PEX5L: variants seen among roughly 807,000 people sequenced by gnomAD.
PEX5L encodes PEX5-related protein.
Under a neutral mutation model 84.0 loss-of-function variants are expected in PEX5L, and 30 were observed. That is an observed-to-expected ratio of 0.36 (90% confidence interval 0.27 to 0.48). The LOEUF (loss-of-function observed/expected upper bound fraction) is 0.48. Ranked by LOEUF, PEX5L falls within the 20% of genes least tolerant of loss-of-function variation. The pLI is 0.99. For synonymous variants in PEX5L, 270 were observed against 283.1 expected (o/e 0.95, Z 0.46); for missense variants, 533 against 754.6 (o/e 0.71, Z 3.44).
At chr3:179,811,651 C>T in intron 11 of PEX5L, 150 bp downstream of exon 11, 1 of 658,588 alleles carries the variant, frequency 1.5e-6, no homozygotes, top group Non-Finnish European at 2.8e-6. Context: ...TTTTTCAGAG[C>T]TAAGTGTGAG....
At chr3:179,806,492 C>T (rs573126010) in intron 14 of PEX5L, among the ~76,000 whole-genome samples, 33 of 152,216 alleles carry the variant, frequency 2.2e-4, no homozygotes, top group African/African-American at 7.7e-4. Context: ...AGAGTTTTTT[C>T]GTACAGTGCA....
chr3:179,887,990 C>A, intron 3 of PEX5L: 1 of 701,674 alleles, frequency 1.4e-6, no homozygotes, highest in South Asian at 1.7e-5. Flanking sequence ...ATTTTTGATG[C>A]AGCCAACTTC....
intron 1 of PEX5L, among the ~76,000 whole-genome samples, chr3:180,011,747 T>C (rs373710889): frequency 6.6e-6 from 1 of 152,312 alleles, no homozygotes; most frequent in South Asian, 2.1e-4. Context: ...TATCCCTCAC[T>C]CCCTCTTTCA....
At position 179,970,140 on chromosome 3, in the gene PEX5L, A is replaced by G. The variant is rs756025355; in HGVS notation, c.93+1454T>C. Among the ~76,000 whole-genome samples the G allele has an allele frequency of 2.0e-5, 3 of 152,188 alleles. No homozygotes were observed. In the East Asian group the frequency reaches 5.8e-4, roughly 29 times the overall value. The stretch of plus-strand genomic sequence containing the variant: ...AAGCTTTGGGGTAGGAAGATAGTAA[A>G]TAAGAAGAAAAAAAGAATTTAACTT... On this transcript the variant is annotated intron_variant, in intron 2 of 14. Transcript: ENST00000467460.
At chr3:179,887,039 G>A (rs979629897) in intron 4 of PEX5L, among the ~76,000 whole-genome samples, 1 of 152,216 alleles carries the variant, frequency 6.6e-6, no homozygotes, top group African/African-American at 2.4e-5. Flanking sequence ...ATTTATGCCA[G>A]TGGCATCCTG....
chr3:179,971,936 T>C (rs1418707252), intron 1 of PEX5L, among the ~76,000 whole-genome samples: 1 of 152,192 alleles, frequency 6.6e-6, no homozygotes, highest in Non-Finnish European at 1.5e-5. Flanking sequence ...TTTTTAGTTC[T>C]ATAGTATCAG....
chr3:179,867,777 G>C (rs1311805161), intron 7 of PEX5L, among the ~76,000 whole-genome samples: 1 of 152,104 alleles, frequency 6.6e-6, no homozygotes, highest in Non-Finnish European at 1.5e-5. Flanking sequence ...AATCATTTTG[G>C]AAGAGGAAGG....
chr3:179,840,173 GTGTGTGTGTGTTT>G (rs1736570792), intron 8 of PEX5L, among the ~76,000 whole-genome samples: 1 of 112,472 alleles, frequency 8.9e-6, no homozygotes, highest in Admixed American at 9.6e-5. Flanking sequence ...GTGTGTGTGT[GTGTGTGTGTGTTT>G]TTTTTTTTTT....
At chr3:179,938,036 C>A (rs1578696261) in intron 2 of PEX5L, among the ~76,000 whole-genome samples, 1 of 152,152 alleles carries the variant, frequency 6.6e-6, no homozygotes, top group South Asian at 2.1e-4. Flanking sequence ...ACTACCTTCA[C>A]CACCTCCAAC....
intron 1 of PEX5L, among the ~76,000 whole-genome samples, chr3:180,031,752 C>T (rs1458704279): frequency 6.6e-6 from 1 of 152,100 alleles, no homozygotes; most frequent in East Asian, 1.9e-4. Flanking sequence ...AAAAAAGCAG[C>T]CTGCCAGATG....
intron 11 of PEX5L, among the ~76,000 whole-genome samples, chr3:179,810,002 C>CTTTTTTTTTTTTTTTTTTTTTTTTTTTT (rs35662193): frequency 2.2e-5 from 1 of 45,262 alleles, no homozygotes; most frequent in Non-Finnish European, 3.8e-5. Context: ...TTTAATGCTG[C>CTTTTTTTTTTTTTTTTTTTTTTTTTTTT]TTTTTTTTTT....
At chr3:180,028,522 T>C (rs184313713) in intron 1 of PEX5L, among the ~76,000 whole-genome samples, 1 of 152,208 alleles carries the variant, frequency 6.6e-6, no homozygotes. Context: ...TGTCAGTGGT[T>C]TATTGTAATA....
intron 2 of PEX5L, among the ~76,000 whole-genome samples, chr3:179,919,980 G>C (rs1768723306): frequency 6.6e-6 from 1 of 152,198 alleles, no homozygotes; most frequent in Non-Finnish European, 1.5e-5. Context: ...TGAGATTACA[G>C]GCATGAGCCA....
rs1247348685 is a variant in PEX5L, at chr3:179,796,687, G to T, written c.*5141C>A. ...AGACCACATGGTCTCACTGAGCTTTGCTCTCTCCCTTTCTGGTCTCCTCAT... is the reference window on the plus strand; with the variant it reads ...AGACCACATGGTCTCACTGAGCTTTTCTCTCTCCCTTTCTGGTCTCCTCAT... On this transcript the variant is annotated 3_prime_UTR_variant, in exon 15 of 15. Coordinates refer to ENST00000467460, the MANE Select transcript of PEX5L (RefSeq NM_016559.3). 1 of 152,120 alleles carries T rather than the reference G, an allele frequency of 6.6e-6. No individual in the cohort carries two copies. The highest frequency in any genetic ancestry group is 2.4e-5 in the African/African-American group (1 of 41,420). 9.4% of individuals were successfully genotyped at this position (152,120 alleles called of 1,614,324 possible).
intron 8 of PEX5L, among the ~76,000 whole-genome samples, chr3:179,821,151 A>G (rs1028157444): frequency 6.6e-6 from 1 of 152,206 alleles, no homozygotes; most frequent in Non-Finnish European, 1.5e-5. Flanking sequence ...CTGACACTAC[A>G]TAAGCCTTCC....
chr3:179,956,515 A>G (rs1297362599), intron 2 of PEX5L, among the ~76,000 whole-genome samples: 2 of 152,158 alleles, frequency 1.3e-5, no homozygotes, highest in Admixed American at 6.5e-5. Flanking sequence ...TGGGCATAAG[A>G]ATACCCTAGT....
intron 2 of PEX5L, among the ~76,000 whole-genome samples, chr3:179,959,430 C>T (rs1781472303): frequency 6.6e-6 from 1 of 152,190 alleles, no homozygotes; most frequent in South Asian, 2.1e-4. Context: ...ACCATACCGG[C>T]TTCTTAAAGG....
At chr3:179,833,021 T>C (rs926761252) in intron 8 of PEX5L, among the ~76,000 whole-genome samples, 1 of 152,248 alleles carries the variant, frequency 6.6e-6, no homozygotes. Context: ...GGAATAGTTA[T>C]GTTTTCTTTT....
At position 179,801,582 on chromosome 3, in the gene PEX5L, T is replaced by A. The variant is rs1718863863; in HGVS notation, c.*246A>T. 2.2e-6 allele frequency: 1 copy of A among 464,924 alleles called. No homozygotes were observed. Among genetic ancestry groups the A allele is most frequent in the Admixed American group, 3.5e-5 (1 of 28,722 alleles). 28.8% of individuals were successfully genotyped at this position (464,924 alleles called of 1,614,324 possible). A position where few individuals can be genotyped will look rare whatever the true frequency, so the allele number is the denominator to read the frequency against. ...GAGTATTCAACACACAGTTACTTTATCTTGGTTTGTCTTGAGTCTCTTAAT... is the reference window on the plus strand; with the variant it reads ...GAGTATTCAACACACAGTTACTTTAACTTGGTTTGTCTTGAGTCTCTTAAT... On this transcript the variant is annotated 3_prime_UTR_variant, in exon 15 of 15. Coordinates refer to ENST00000467460, the MANE Select transcript of PEX5L (RefSeq NM_016559.3).
Sources: gnomAD v4.1 joint callset for allele counts (sites outside exome capture counted in the v4.1 genomes callset) on GRCh38, gnomAD v4.1.1 for gene constraint, MANE v1.5 for transcripts, NCBI Gene and HGNC (gene_info 2026-07-23, HGNC 2026-07-21) for gene names.